The following NRG1 variants were observed in gnomAD, a reference collection of about 807,000 sequenced individuals.
NRG1 encodes the protein neuregulin 1, also known as pro-neuregulin-1, membrane-bound isoform.
NRG1 carries 18 observed loss-of-function variants against 63.8 expected under a neutral mutation model. The ratio of observed to expected loss-of-function variants is 0.28; its 90% CI spans 0.19 to 0.42. The LOEUF (loss-of-function observed/expected upper bound fraction) is 0.42. NRG1 is among the 10% of genes least tolerant of loss of function. The pLI is 1.00. For synonymous variants in NRG1, 302 were observed against 301.3 expected (o/e 1.00, Z -0.02); for missense variants, 762 against 814.7 (o/e 0.94, Z 0.79).
chr8:31,853,788 C>A (rs983658880), intron 1 of NRG1, among the ~76,000 whole-genome samples: 123 of 152,044 alleles, frequency 8.1e-4, no homozygotes, highest in African/African-American at 2.8e-3. Context: ...TATGTCCCAT[C>A]GATACCTAAT....
chr8:32,128,869 G>A (rs929448358), intron 1 of NRG1, among the ~76,000 whole-genome samples: 2 of 151,910 alleles, frequency 1.3e-5, no homozygotes, highest in African/African-American at 4.8e-5. Flanking sequence ...TTCATTGAAT[G>A]TTCAAGCCTT....
At chr8:31,960,922 C>T (rs1221863613) in intron 1 of NRG1, among the ~76,000 whole-genome samples, 1 of 152,190 alleles carries the variant, frequency 6.6e-6, no homozygotes, top group Non-Finnish European at 1.5e-5. Context: ...TCTATTTCTA[C>T]TCATTTACCT....
chr8:32,205,561 T>C (rs1258310297), intron 1 of NRG1, among the ~76,000 whole-genome samples: 2 of 152,094 alleles, frequency 1.3e-5, no homozygotes, highest in Non-Finnish European at 2.9e-5. Context: ...TCTGGCATTG[T>C]GAACAAAAAG....
At position 32,039,680 on chromosome 8, in the gene NRG1, C is replaced by T. The variant is rs138256123; in HGVS notation, c.37+400249C>T. Among the ~76,000 whole-genome samples, 632 of 151,984 alleles carry T rather than the reference C, an allele frequency of 4.2e-3. 8 individuals are homozygous for T. Among genetic ancestry groups the T allele is most frequent in the African/African-American group, 0.014 (598 of 41,442 alleles). On this transcript the variant is annotated intron_variant, in intron 1 of 10. Transcript: ENST00000519301. Reference sequence around the variant, plus strand: ...AACATTATTGAGTACCTTATCTGGCCCAGGCATGGATCTTAACCTCAACTC... The same window carrying T: ...AACATTATTGAGTACCTTATCTGGCTCAGGCATGGATCTTAACCTCAACTC...
chr8:32,120,819 G>A (rs530736940), intron 1 of NRG1, among the ~76,000 whole-genome samples: 1 of 152,120 alleles, frequency 6.6e-6, no homozygotes, highest in African/African-American at 2.4e-5. Context: ...TGCTAATTTT[G>A]TTGAGGGATA....
At chr8:32,322,621 G>A (rs1471971712) in intron 1 of NRG1, among the ~76,000 whole-genome samples, 1 of 151,886 alleles carries the variant, frequency 6.6e-6, no homozygotes, top group Admixed American at 6.6e-5. Flanking sequence ...TGGGATTGTG[G>A]AGATCGTGTC....
chr8:32,643,523 C>A (rs929340170), intron 5 of NRG1, among the ~76,000 whole-genome samples: 1 of 152,138 alleles, frequency 6.6e-6, no homozygotes, highest in African/African-American at 2.4e-5. Flanking sequence ...CCATCTTGAA[C>A]GTTTCCACCT....
intron 5 of NRG1, among the ~76,000 whole-genome samples, chr8:32,704,664 A>G (rs1184333741): frequency 6.6e-6 from 1 of 152,350 alleles, no homozygotes; most frequent in Middle Eastern, 3.4e-3. Context: ...CTTCTGTGCA[A>G]TAAATCTCAT....
At chr8:31,660,534 C>T (rs1046099553) in intron 1 of NRG1, among the ~76,000 whole-genome samples, 1 of 152,176 alleles carries the variant, frequency 6.6e-6, no homozygotes, top group South Asian at 2.1e-4. Context: ...TTTGGAAAAA[C>T]AATTAAAACA....
At chr8:32,087,617 C>T (rs117012034) in intron 1 of NRG1, among the ~76,000 whole-genome samples, 3,163 of 149,942 alleles carry the variant, frequency 0.021, 39 homozygotes, top group South Asian at 0.04. Flanking sequence ...ACTACAGGTG[C>T]GTGTGCCCAC....
At chr8:32,479,472 G>T (rs1824953943) in intron 1 of NRG1, among the ~76,000 whole-genome samples, 2 of 151,938 alleles carry the variant, frequency 1.3e-5, no homozygotes. Flanking sequence ...ATGAGACTCA[G>T]TCTCCAAAAA....
At chr8:31,819,029 G>A (rs950727814) in intron 1 of NRG1, among the ~76,000 whole-genome samples, 1 of 152,072 alleles carries the variant, frequency 6.6e-6, no homozygotes, top group Non-Finnish European at 1.5e-5. Flanking sequence ...ACTCCAGCCC[G>A]GGCGACAGAG....
intron 1 of NRG1, among the ~76,000 whole-genome samples, chr8:32,579,948 A>G (rs1840347229): frequency 6.6e-6 from 1 of 152,180 alleles, no homozygotes; most frequent in Admixed American, 6.5e-5. Context: ...TTCCAAGCCA[A>G]CAACATGACA....
intron 1 of NRG1, among the ~76,000 whole-genome samples, chr8:31,725,643 T>A (rs1487572373): frequency 6.6e-6 from 1 of 152,172 alleles, no homozygotes; most frequent in African/African-American, 2.4e-5. Flanking sequence ...AGAAAGCAAC[T>A]GAAAATGGAA....
intron 1 of NRG1, among the ~76,000 whole-genome samples, chr8:31,694,017 C>T (rs1809800311): frequency 6.6e-6 from 1 of 151,956 alleles, no homozygotes; most frequent in Non-Finnish European, 1.5e-5. Context: ...TTTTAAAAAA[C>T]ATTTTTGTAG....
chr8:31,915,802 C>T (rs12547331), intron 1 of NRG1, among the ~76,000 whole-genome samples: 18,394 of 152,082 alleles, frequency 0.12, 1,263 homozygotes, highest in Admixed American at 0.19. Context: ...AGTTAATTTA[C>T]ACATTTTCAT....
At chr8:32,520,614 T>C (rs886539614) in intron 1 of NRG1, among the ~76,000 whole-genome samples, 3 of 152,250 alleles carry the variant, frequency 2.0e-5, no homozygotes, top group African/African-American at 7.2e-5. Context: ...CTTTTTATGT[T>C]GTCTAAAGTC....
intron 5 of NRG1, among the ~76,000 whole-genome samples, chr8:32,671,595 C>T (rs1453906444): frequency 2.0e-5 from 3 of 152,162 alleles, no homozygotes; most frequent in Non-Finnish European, 4.4e-5. Context: ...TATGCACGCA[C>T]ACACATGCAA....
chr8:32,719,769 C>CT (rs1310318934), intron 5 of NRG1, among the ~76,000 whole-genome samples: 2 of 151,672 alleles, frequency 1.3e-5, no homozygotes, highest in African/African-American at 2.4e-5. Context: ...CTACGTTTAA[C>CT]TTTTTTTTAA....
Sources: allele counts gnomAD v4.1 joint callset (sites outside exome capture counted in the v4.1 genomes callset), GRCh38; gene constraint gnomAD v4.1.1; transcripts MANE v1.5; gene names NCBI Gene and HGNC (gene_info 2026-07-23, HGNC 2026-07-21).